The following NUP62CL variants were observed in gnomAD, a reference collection of about 807,000 sequenced individuals.
NUP62CL encodes the protein nucleoporin-62 C-terminal-like protein.
A neutral mutation model predicts 15.3 loss-of-function variants in NUP62CL; 13 were observed. The observed-to-expected ratio is 0.85, with a 90% CI of 0.55 to 1.35. The LOEUF is 1.35. Ranked by LOEUF, NUP62CL falls within the 40% of genes most tolerant of loss-of-function variation. The pLI, the probability that NUP62CL is intolerant of heterozygous loss-of-function variation, is 0.00. For missense variants in NUP62CL, 123 were observed against 130.6 expected, an observed-to-expected ratio of 0.94 and a Z score of 0.28; for synonymous variants, 54 against 49.2, an observed-to-expected ratio of 1.10 and a Z score of -0.41.
At chrX:107,153,422 A>C (rs947195691) in intron 6 of NUP62CL, 32 bp downstream of exon 6, 5 of 1,129,502 alleles carry the variant, frequency 4.4e-6, no homozygotes, top group Non-Finnish European at 5.9e-6. Context: ...ATAGGTCTTT[A>C]ATCTTTCAAC....
intron 4 of NUP62CL, among the ~76,000 whole-genome samples, chrX:107,165,334 TAATA>T (rs962319045): frequency 4.2e-4 from 46 of 109,492 alleles, no homozygotes; most frequent in South Asian, 1.6e-3. Context: ...ATAAATTAAT[TAATA>T]AATAAATACC....
intron 8 of NUP62CL, chrX:107,131,789 C>T (rs886198467): frequency 1.4e-4 from 157 of 1,122,917 alleles, no homozygotes; most frequent in Admixed American, 1.8e-4. Flanking sequence ...ACTGAGAGGC[C>T]CATTCTGCAA....
chrX:107,124,555 G>A (rs1411565599), intron 8 of NUP62CL, among the ~76,000 whole-genome samples: 2 of 110,388 alleles, frequency 1.8e-5, no homozygotes, highest in African/African-American at 6.6e-5. Context: ...CTAGCTTTCA[G>A]GCAAATAACT....
At chrX:107,206,105 G>C (rs1047975538) in intron 1 of NUP62CL, among the ~76,000 whole-genome samples, 168 bp downstream of exon 1, 8 of 110,744 alleles carry the variant, frequency 7.2e-5, no homozygotes, top group Non-Finnish European at 1.1e-4. Context: ...GTGGAGGACT[G>C]TAGCAAAACC....
intron 8 of NUP62CL, among the ~76,000 whole-genome samples, chrX:107,126,244 T>C (rs983148208): frequency 3.6e-5 from 4 of 112,150 alleles, no homozygotes; most frequent in African/African-American, 1.3e-4. Flanking sequence ...AATATCTAAA[T>C]AAGTGGAGAT....
chrX:107,161,861 G>C (rs183787653), intron 4 of NUP62CL, among the ~76,000 whole-genome samples: 1,205 of 79,849 alleles, frequency 0.015, 6 homozygotes, highest in Non-Finnish European at 0.026. Context: ...TATCAAAACC[G>C]AGAAAACCCA....
intron 3 of NUP62CL, among the ~76,000 whole-genome samples, chrX:107,168,603 C>G (rs1926571152): frequency 8.9e-6 from 1 of 112,470 alleles, no homozygotes; most frequent in Admixed American, 9.4e-5. Context: ...TTACTACACA[C>G]TGAGCACTTA....
At chrX:107,186,272 A>C (rs757787319) in intron 2 of NUP62CL, among the ~76,000 whole-genome samples, 13 of 111,945 alleles carry the variant, frequency 1.2e-4, no homozygotes, top group Admixed American at 5.7e-4. Flanking sequence ...CATACTTTTC[A>C]TTTTTAAAAA....
rs772561444 is a variant in NUP62CL at position 107,135,263 on chromosome X, G to A, written c.*43-10931C>T. ...AAGTTCTGGAATTGACATGGAATAAGAAGTGCTGAGTGATGGGAAAAAAAA... is the reference window on the plus strand; with the variant it reads ...AAGTTCTGGAATTGACATGGAATAAAAAGTGCTGAGTGATGGGAAAAAAAA... On this transcript the variant is annotated intron_variant, in intron 8 of 8. Transcript: ENST00000372466. Among the ~76,000 whole-genome samples, 4 of 111,817 alleles carry A rather than the reference G, an allele frequency of 3.6e-5. No individual in the cohort carries two copies. In the South Asian group the frequency reaches 1.5e-3, roughly 42 times the overall value.
intron 1 of NUP62CL, among the ~76,000 whole-genome samples, chrX:107,195,581 T>C (rs895988656): frequency 8.9e-6 from 1 of 112,336 alleles, no homozygotes; most frequent in African/African-American, 3.2e-5. Flanking sequence ...TTGAATACTG[T>C]TAGTGTCATG....
In NUP62CL at chrX:107,175,080, G is replaced by C; in HGVS notation, c.58+9C>G. Reference sequence around the variant, plus strand: ...AATAACAGTATTTTCTTTAGAATTAGTAACTTACATGAGAGCCCAATAGCA... The same window carrying C: ...AATAACAGTATTTTCTTTAGAATTACTAACTTACATGAGAGCCCAATAGCA... On this transcript the variant is annotated intron_variant, in intron 3 of 8. Transcript: ENST00000372466. 8.5e-7 allele frequency: 1 copy of C among 1,180,211 alleles called. No homozygotes were observed. Among genetic ancestry groups the C allele is most frequent in the Non-Finnish European group, 1.2e-6 (1 of 869,058 alleles).
chrX:107,158,571 T>A (rs1926273617), intron 4 of NUP62CL, among the ~76,000 whole-genome samples: 1 of 69,682 alleles, frequency 1.4e-5, no homozygotes, highest in Non-Finnish European at 2.3e-5. Context: ...AAGATGTTCT[T>A]TGAAACCAAC....
intron 8 of NUP62CL, among the ~76,000 whole-genome samples, chrX:107,139,036 GA>G (rs1292567603): frequency 9.9e-5 from 11 of 111,516 alleles, no homozygotes; most frequent in African/African-American, 2.9e-4. Flanking sequence ...TGCTGAGGGG[GA>G]AAAAAGCCAA....
At chrX:107,161,021 A>C (rs1301178258) in intron 4 of NUP62CL, among the ~76,000 whole-genome samples, 1 of 112,154 alleles carries the variant, frequency 8.9e-6, no homozygotes, top group Non-Finnish European at 1.9e-5. Flanking sequence ...GCCAACAGAC[A>C]CATGAAAAAA....
In NUP62CL at chrX:107,167,672, A is replaced by G; in HGVS notation, c.171T>C (p.Leu57=). 3.3e-6 allele frequency: 4 copies of G among 1,206,683 alleles called. No homozygotes were observed. Among genetic ancestry groups the G allele is most frequent in the Non-Finnish European group, 4.5e-6 (4 of 891,955 alleles). The part of the protein sequence containing the change: ...NQLLSRGFEN[L]VPYTSTVSVV... ...ACCTAACAGTTGAAGTATAAGGTAC[A>G]AGGTTTTCAAACCCTCTTGATAACA... is the stretch of plus-strand genomic sequence containing the variant. Residue 57 remains leucine (L), a synonymous_variant, in exon 4 of 9, where the codon CTT becomes CTC. Transcript: ENST00000372466.
chrX:107,179,912 C>T (rs765761739), intron 2 of NUP62CL, among the ~76,000 whole-genome samples: 2 of 111,336 alleles, frequency 1.8e-5, no homozygotes, highest in African/African-American at 6.5e-5. Context: ...AATTCCTCTA[C>T]CCCAGTTTGC....
intron 1 of NUP62CL, among the ~76,000 whole-genome samples, chrX:107,195,439 T>C (rs141190397): frequency 0.025 from 2,754 of 111,968 alleles, 101 homozygotes; most frequent in African/African-American, 0.084. Flanking sequence ...TATCTGTGCA[T>C]GCAGGAACAA....
At chrX:107,174,068 CCTCT>C (rs756292893) in intron 3 of NUP62CL, among the ~76,000 whole-genome samples, 12,699 of 66,246 alleles carry the variant, frequency 0.19, 1,471 homozygotes, top group East Asian at 0.4. Flanking sequence ...TCCCTCCCTC[CCTCT>C]CTCTCTCTCC....
chrX:107,133,057 C>A (rs1024694509), intron 8 of NUP62CL, among the ~76,000 whole-genome samples: 1 of 111,555 alleles, frequency 9.0e-6, no homozygotes, highest in African/African-American at 3.3e-5. Flanking sequence ...GAATTCAGTT[C>A]TTTGCAGTTG....
Sources: gnomAD v4.1 joint callset for allele counts (sites outside exome capture counted in the v4.1 genomes callset) on GRCh38, gnomAD v4.1.1 for gene constraint, MANE v1.5 for transcripts, NCBI Gene and HGNC (gene_info 2026-07-23, HGNC 2026-07-21) for gene names.